The following KLF12 variants were observed in gnomAD, a reference collection of about 807,000 sequenced individuals.
The protein encoded by KLF12 is KLF transcription factor 12.
Under a neutral mutation model 37.8 loss-of-function variants are expected in KLF12, and 9 were observed. The ratio of observed to expected loss-of-function variants is 0.24; its 90% CI spans 0.14 to 0.42. KLF12 has a LOEUF of 0.42. Among genes scored for constraint, KLF12 ranks in the 10% least tolerant of loss-of-function variants. The probability of loss-of-function intolerance (pLI) is 1.00; values close to 1 mark genes in which losing one functional copy is unlikely to be tolerated. For synonymous variants in KLF12, 208 were observed against 202.1 expected, an observed-to-expected ratio of 1.03 and a Z score of -0.25; for missense variants, 411 against 516.0, an observed-to-expected ratio of 0.80 and a Z score of 1.97.
chr13:73,877,092 T>G (rs534240123), intron 3 of KLF12, among the ~76,000 whole-genome samples: 1 of 152,200 alleles, frequency 6.6e-6, no homozygotes, highest in Non-Finnish European at 1.5e-5. Flanking sequence ...TTCAATTTCT[T>G]TGGGAAATTA....
chr13:74,300,486 G>T, the KLF12 span, among the ~76,000 whole-genome samples: 2 of 152,122 alleles, frequency 1.3e-5, no homozygotes, highest in Non-Finnish European at 2.9e-5. Flanking sequence ...AGAAGGTGTG[G>T]TAGGGGTGGG....
At chr13:73,844,591 TAAAG>T (rs567407970) in intron 4 of KLF12, 46 of 152,294 alleles carry the variant, frequency 3.0e-4, no homozygotes, top group African/African-American at 1.1e-3. Flanking sequence ...TCACGTGTGA[TAAAG>T]AAACTCACTG....
chr13:73,895,505 A>G (rs554726296), intron 3 of KLF12, among the ~76,000 whole-genome samples: 22 of 152,352 alleles, frequency 1.4e-4, no homozygotes. Flanking sequence ...TTAGAAAAGT[A>G]AAATAGGTGC....
chr13:73,738,951 T>G (rs572081317), intron 6 of KLF12, among the ~76,000 whole-genome samples: 6 of 152,272 alleles, frequency 3.9e-5, no homozygotes, highest in African/African-American at 1.4e-4. Flanking sequence ...AATAACGTAC[T>G]TGGCTGGGCG....
chr13:74,240,833 T>C, the KLF12 span, among the ~76,000 whole-genome samples: 1 of 143,264 alleles, frequency 7.0e-6, no homozygotes, highest in Non-Finnish European at 1.5e-5. Context: ...GTTATTCTAG[T>C]TATACATTCT....
chr13:73,862,465 C>A (rs1885978200), intron 3 of KLF12, among the ~76,000 whole-genome samples: 1 of 152,066 alleles, frequency 6.6e-6, no homozygotes, highest in Non-Finnish European at 1.5e-5. Flanking sequence ...AAATCCATGG[C>A]CTCAACTATT....
intron 6 of KLF12, among the ~76,000 whole-genome samples, chr13:73,747,529 T>C (rs558465388): frequency 6.6e-6 from 1 of 152,346 alleles, no homozygotes; most frequent in East Asian, 1.9e-4. Flanking sequence ...AAAGTACATT[T>C]TAGCTAGTAG....
At chr13:74,184,172 A>C in the KLF12 span, among the ~76,000 whole-genome samples, 1 of 152,198 alleles carries the variant, frequency 6.6e-6, no homozygotes, top group Admixed American at 6.5e-5. Context: ...AAAGTCACTA[A>C]ATTATAAGCA....
chr13:73,982,321 G>T (rs1891707671), intron 2 of KLF12, among the ~76,000 whole-genome samples: 1 of 152,214 alleles, frequency 6.6e-6, no homozygotes, highest in African/African-American at 2.4e-5. Context: ...TAAAAGAAAT[G>T]AAGGAGGAGG....
intron 5 of KLF12, among the ~76,000 whole-genome samples, chr13:73,797,007 G>T (rs999361021): frequency 6.6e-6 from 1 of 152,176 alleles, no homozygotes; most frequent in Non-Finnish European, 1.5e-5. Context: ...CTGTCTAGGG[G>T]TTTGGAGGAA....
At chr13:73,803,776 A>T (rs9573293) in intron 5 of KLF12, among the ~76,000 whole-genome samples, 339 of 26,758 alleles carry the variant, frequency 0.013, 3 homozygotes, top group African/African-American at 0.036. Context: ...GCAGAGTCAC[A>T]CACACACACA....
chr13:73,746,489 TTA>T (rs1878380105), intron 6 of KLF12, among the ~76,000 whole-genome samples: 1 of 152,168 alleles, frequency 6.6e-6, no homozygotes, highest in Admixed American at 6.5e-5. Flanking sequence ...TTTATATTCT[TTA>T]TATATTTATA....
At chr13:73,713,264 C>T (rs776083584) in intron 7 of KLF12, among the ~76,000 whole-genome samples, 9 of 152,098 alleles carry the variant, frequency 5.9e-5, no homozygotes, top group Non-Finnish European at 1.3e-4. Context: ...TAAACAGCAC[C>T]GTAAGAGGCT....
chr13:74,200,551 T>C, the KLF12 span, among the ~76,000 whole-genome samples: 42 of 152,144 alleles, frequency 2.8e-4, no homozygotes, highest in Non-Finnish European at 5.1e-4. Context: ...GATTGAAGAA[T>C]GTAAAACCAG....
At chr13:73,748,373 C>T (rs575130310) in intron 6 of KLF12, among the ~76,000 whole-genome samples, 4 of 152,270 alleles carry the variant, frequency 2.6e-5, no homozygotes, top group African/African-American at 4.8e-5. Context: ...AAAATTCACA[C>T]GTTGAAGCCA....
intron 1 of KLF12, among the ~76,000 whole-genome samples, chr13:74,119,697 A>G (rs1267637609): frequency 6.6e-6 from 1 of 152,188 alleles, no homozygotes; most frequent in African/African-American, 2.4e-5. Flanking sequence ...CAGAAGATTC[A>G]AGACTTGTGG....
At chr13:73,740,079 T>C (rs993886348) in intron 6 of KLF12, among the ~76,000 whole-genome samples, 4 of 152,190 alleles carry the variant, frequency 2.6e-5, no homozygotes, top group Non-Finnish European at 1.5e-5. Flanking sequence ...CATTTAGGTA[T>C]GTCTGAAAGC....
intron 5 of KLF12, among the ~76,000 whole-genome samples, chr13:73,780,020 T>C (rs1035368116): frequency 2.6e-5 from 4 of 152,164 alleles, no homozygotes; most frequent in African/African-American, 9.7e-5. Flanking sequence ...CCAACCCTCA[T>C]GGATGACTCA....
chr13:74,144,093 GT>G, the KLF12 span, among the ~76,000 whole-genome samples: 11 of 152,134 alleles, frequency 7.2e-5, no homozygotes, highest in African/African-American at 1.2e-4. Context: ...TTTCCATCCT[GT>G]TGGCTGCTAC....
Sources: allele counts gnomAD v4.1 joint callset (sites outside exome capture counted in the v4.1 genomes callset), GRCh38; gene constraint gnomAD v4.1.1; transcripts MANE v1.5; gene names NCBI Gene and HGNC (gene_info 2026-07-23, HGNC 2026-07-21).